The following AHRR variants were observed in gnomAD, a reference collection of about 807,000 sequenced individuals.
AHRR encodes aryl hydrocarbon receptor repressor.
AHRR carries 28 observed loss-of-function variants against 44.0 expected under a neutral mutation model. The observed-to-expected ratio is 0.64, with a 90% CI of 0.47 to 0.87. The LOEUF is 0.87. Ranked by LOEUF, AHRR falls within the 40% of genes least tolerant of loss-of-function variation. The pLI is 0.00. For missense variants in AHRR, 990 were observed against 953.9 expected, an observed-to-expected ratio of 1.04 and a Z score of -0.50; for synonymous variants, 434 against 407.0, an observed-to-expected ratio of 1.07 and a Z score of -0.80.
At chr5:428,344 G>A (rs1736566210) in intron 8 of AHRR, among the ~76,000 whole-genome samples, 1 of 152,202 alleles carries the variant, frequency 6.6e-6, no homozygotes, top group African/African-American at 2.4e-5. Flanking sequence ...TCTCTTGGCT[G>A]CCCGCCCTTC....
chr5:412,494 A>G (rs1735505003), intron 4 of AHRR, among the ~76,000 whole-genome samples: 1 of 152,186 alleles, frequency 6.6e-6, no homozygotes, highest in South Asian at 2.1e-4. Context: ...TGTATGCAAA[A>G]TATGGAGAGA....
intron 1 of AHRR, among the ~76,000 whole-genome samples, chr5:329,312 C>CCT (rs1286047755): frequency 3.3e-5 from 5 of 152,144 alleles, no homozygotes; most frequent in Non-Finnish European, 5.9e-5. Flanking sequence ...GATTGTCTGG[C>CCT]CTCTGCCTCC....
chr5:428,139 G>T, intron 8 of AHRR, 133 bp downstream of exon 8: 9 of 1,062,034 alleles, frequency 8.5e-6, no homozygotes, highest in Non-Finnish European at 1.2e-5. Context: ...TGTCGTAAAA[G>T]TCATTACACA....
intron 5 of AHRR, among the ~76,000 whole-genome samples, chr5:420,348 C>A (rs534880959): frequency 2.0e-5 from 3 of 152,226 alleles, no homozygotes; most frequent in Admixed American, 2.0e-4. Flanking sequence ...CCCCTGGCAA[C>A]AGGAAGTCAA....
intron 3 of AHRR, among the ~76,000 whole-genome samples, chr5:361,327 C>T (rs1394336228): frequency 6.6e-6 from 1 of 152,202 alleles, no homozygotes; most frequent in Non-Finnish European, 1.5e-5. Context: ...GGAGCCCAGC[C>T]GGGAAGCCTC....
chr5:375,362 G>A (rs1236249664), intron 3 of AHRR, among the ~76,000 whole-genome samples: 2 of 152,214 alleles, frequency 1.3e-5, no homozygotes, highest in Admixed American at 6.5e-5. Context: ...GCAGTGGGGT[G>A]GAGGCAGCCA....
intron 4 of AHRR, among the ~76,000 whole-genome samples, chr5:409,551 C>T (rs1160423323): frequency 6.6e-6 from 1 of 152,200 alleles, no homozygotes; most frequent in African/African-American, 2.4e-5. Context: ...CTTGCACATC[C>T]CTGATGGCTA....
chr5:345,182 A>ATG (rs370649210), intron 2 of AHRR, among the ~76,000 whole-genome samples: 77 of 870 alleles, frequency 0.089, 21 homozygotes, highest in Non-Finnish European at 0.1. Flanking sequence ...GTGTGTGGGG[A>ATG]TGTGTGTGTG....
intron 1 of AHRR, among the ~76,000 whole-genome samples, chr5:336,514 A>G (rs1256666078): frequency 1.3e-5 from 2 of 152,210 alleles, no homozygotes; most frequent in Non-Finnish European, 2.9e-5. Context: ...GTTGAATTGT[A>G]AGAGTTCTTT....
In AHRR at chr5:387,982, CTCTG is replaced by C. The variant is rs1298220694; in HGVS notation, c.351+11269_351+11272del. Among the ~76,000 whole-genome samples the C allele has an allele frequency of 6.6e-6, 1 of 152,214 alleles. No homozygotes were observed. The highest frequency in any genetic ancestry group is 1.5e-5 in the Non-Finnish European group (1 of 68,044). Reference sequence around the variant, plus strand: ...GAATGTTCTTCTTGTGAATCTGCATCTCTGTCAGTGTGTCTGGGTACAAATCTCC... The same window carrying C: ...GAATGTTCTTCTTGTGAATCTGCATCTCAGTGTGTCTGGGTACAAATCTCC... On this transcript the variant is annotated intron_variant, in intron 4 of 10. Transcript: ENST00000684583. This position sits in a 1 kb window ranked among gnomAD's most constrained non-coding sequence, Gnocchi z 5.1.
At chr5:379,296 G>C (rs1344525924) in intron 4 of AHRR, among the ~76,000 whole-genome samples, 2 of 152,146 alleles carry the variant, frequency 1.3e-5, no homozygotes, top group African/African-American at 4.8e-5. Context: ...TTATTGATGA[G>C]GTATGGACCA....
At chr5:329,204 T>C (rs967834213) in intron 1 of AHRR, among the ~76,000 whole-genome samples, 1 of 152,172 alleles carries the variant, frequency 6.6e-6, no homozygotes, top group African/African-American at 2.4e-5. Context: ...TCCTCCTTCT[T>C]CTCTCTTTTT....
chr5:369,478 A>G (rs1743490224), intron 3 of AHRR, among the ~76,000 whole-genome samples: 1 of 152,252 alleles, frequency 6.6e-6, no homozygotes, highest in Non-Finnish European at 1.5e-5. Flanking sequence ...ACCTACAGCT[A>G]GGCGAGCATG....
At position 434,511 on chromosome 5, in the gene AHRR, G is replaced by A. The variant is rs1208985812; in HGVS notation, c.1771G>A (p.Val591Met). ...GTACATCTCGCACCTGGGGCACGGC[G>A]TGCGGGGGGCTCAGCCCCATGGGAG... ...QVYISHLGHG[V>M]RGAQPHGRAT... Residue 591 changes from valine (V) to methionine (M), a missense_variant, in exon 11 of 11, where the codon GTG becomes ATG. Coordinates refer to ENST00000684583, the MANE Select transcript of AHRR (RefSeq NM_001377236.1). The A allele has an allele frequency of 6.2e-6, 10 of 1,612,550 alleles. No individual in the cohort carries two copies. Among genetic ancestry groups the A allele is most frequent in the South Asian group, 2.2e-5 (2 of 90,960 alleles).
intron 3 of AHRR, among the ~76,000 whole-genome samples, chr5:361,687 C>T (rs1022947202): frequency 2.0e-5 from 3 of 152,192 alleles, no homozygotes; most frequent in Non-Finnish European, 2.9e-5. Flanking sequence ...CCCGTCTCCC[C>T]TCTCTTCCTA....
Position 398,120 on chromosome 5 carries a change from G to A in AHRR, c.352-15224G>A, listed in dbSNP as rs1289411024. 2.6e-4 allele frequency among the ~76,000 whole-genome samples: 29 copies of A among 109,990 alleles called. 1 individual carries two copies. Among genetic ancestry groups the A allele is most frequent in the African/African-American group, 1.2e-3 (27 of 23,322 alleles). 72.2% of individuals were successfully genotyped at this position (109,990 alleles called of 152,430 possible). On this transcript the variant is annotated intron_variant, in intron 4 of 10. Transcript: ENST00000684583. ...ATCCACGTAGCTCCTGACCATCCAC[G>A]TAGCTCCTGACCGTCCATGTTAGCC...
rs115335026 is a variant in AHRR at position 401,762 on chromosome 5, C to T, written c.352-11582C>T. 3.5e-3 allele frequency among the ~76,000 whole-genome samples: 528 copies of T among 152,302 alleles called. 1 individual carries two copies. Among genetic ancestry groups the T allele is most frequent in the African/African-American group, 6.9e-3 (285 of 41,576 alleles). ...GGGATTGCAGAGAAGAGCAAAGTGT[C>T]GTGAAGTGATTTCAGCCTGAGCTAC... On this transcript the variant is annotated intron_variant, in intron 4 of 10. Coordinates refer to ENST00000684583, the MANE Select transcript of AHRR (RefSeq NM_001377236.1).
chr5:427,567 C>T (rs1293302940), intron 7 of AHRR: 84 of 1,584,340 alleles, frequency 5.3e-5, no homozygotes, highest in East Asian at 4.0e-4. Context: ...AGGCCGTCGC[C>T]GCGGCTCCAG....
At chr5:348,114 C>T (rs1742741183) in intron 2 of AHRR, among the ~76,000 whole-genome samples, 1 of 152,238 alleles carries the variant, frequency 6.6e-6, no homozygotes, top group Admixed American at 6.5e-5. Flanking sequence ...CCGGCTGGGA[C>T]AGCCCTCCCC....
Sources: allele counts gnomAD v4.1 joint callset (sites outside exome capture counted in the v4.1 genomes callset), GRCh38; gene constraint gnomAD v4.1.1; non-coding constraint Gnocchi (gnomAD v3.1); transcripts MANE v1.5; gene names NCBI Gene and HGNC (gene_info 2026-07-23, HGNC 2026-07-21).